The following CHCHD6 variants were observed in gnomAD, a reference collection of about 807,000 sequenced individuals.
The protein encoded by CHCHD6 is coiled-coil-helix-coiled-coil-helix domain containing 6, also known as MICOS complex subunit MIC25.
CHCHD6 carries 28 observed loss-of-function variants against 32.3 expected under a neutral mutation model. That is an observed-to-expected ratio of 0.87 (90% CI 0.64 to 1.19). The LOEUF (loss-of-function observed/expected upper bound fraction) is 1.19, where lower values mean the gene tolerates loss of function less well. Among genes scored for constraint, CHCHD6 ranks in the 50% most tolerant of loss-of-function variants. The pLI is 0.00. For missense variants in CHCHD6, 333 were observed against 307.0 expected (o/e 1.08, Z -0.63); for synonymous variants, 122 against 117.5 (o/e 1.04, Z -0.25).
At chr3:126,893,063 G>A (rs1343951937) in intron 5 of CHCHD6, among the ~76,000 whole-genome samples, 2 of 152,082 alleles carry the variant, frequency 1.3e-5, no homozygotes, top group African/African-American at 4.8e-5. Flanking sequence ...CCACCACCTG[G>A]GTTCAAGTGA....
chr3:126,801,425 G>A (rs74981499), intron 4 of CHCHD6, among the ~76,000 whole-genome samples: 1 of 151,764 alleles, frequency 6.6e-6, no homozygotes, highest in Non-Finnish European at 1.5e-5. Flanking sequence ...CACCTGGCTC[G>A]GAGGATCCTA....
chr3:126,862,318 T>A (rs1391252958), intron 5 of CHCHD6, among the ~76,000 whole-genome samples: 2 of 121,074 alleles, frequency 1.7e-5, no homozygotes, highest in African/African-American at 3.2e-5. Flanking sequence ...CATCATCACC[T>A]CCTCCTCCTC....
At chr3:126,801,571 G>A (rs1197085414) in intron 4 of CHCHD6, among the ~76,000 whole-genome samples, 2 of 152,208 alleles carry the variant, frequency 1.3e-5, no homozygotes, top group East Asian at 3.9e-4. Flanking sequence ...CCTCCAGCTG[G>A]GTGGAGCCCA....
At chr3:126,869,290 T>C (rs2077433086) in intron 5 of CHCHD6, among the ~76,000 whole-genome samples, 1 of 138,754 alleles carries the variant, frequency 7.2e-6, no homozygotes, top group Non-Finnish European at 1.6e-5. Context: ...CCAGTCTCCT[T>C]TTTTTTTTTT....
intron 5 of CHCHD6, among the ~76,000 whole-genome samples, chr3:126,893,985 CTGCAAACACA>C (rs2077802086): frequency 6.6e-6 from 1 of 152,244 alleles, no homozygotes; most frequent in Non-Finnish European, 1.5e-5. Flanking sequence ...GCTGAGAGGG[CTGCAAACACA>C]CCTCCAGGGC....
intron 4 of CHCHD6, among the ~76,000 whole-genome samples, chr3:126,814,629 C>A (rs1939797419): frequency 6.6e-6 from 1 of 152,202 alleles, no homozygotes; most frequent in South Asian, 2.1e-4. Context: ...TTAGAAGTTC[C>A]TGGAGAGTGG....
intron 4 of CHCHD6, among the ~76,000 whole-genome samples, chr3:126,737,933 T>C (rs1156388102): frequency 3.3e-5 from 5 of 151,994 alleles, no homozygotes; most frequent in African/African-American, 1.2e-4. Context: ...TCAAAAGAGA[T>C]AAATAGGAGA....
At chr3:126,954,362 G>A (rs1282565072) in intron 6 of CHCHD6, among the ~76,000 whole-genome samples, 2 of 152,164 alleles carry the variant, frequency 1.3e-5, no homozygotes, top group Non-Finnish European at 1.5e-5. Flanking sequence ...ATGGGGAGAG[G>A]GGCAAATGTG....
intron 4 of CHCHD6, among the ~76,000 whole-genome samples, chr3:126,842,903 T>C (rs534162801): frequency 1.3e-5 from 2 of 151,822 alleles, no homozygotes; most frequent in African/African-American, 4.8e-5. Flanking sequence ...AGATATTTAA[T>C]TTTGGGAGTA....
chr3:126,789,676 G>T (rs1453546323), intron 4 of CHCHD6, among the ~76,000 whole-genome samples: 1 of 152,040 alleles, frequency 6.6e-6, no homozygotes, highest in South Asian at 2.1e-4. Flanking sequence ...CCATTTGCTT[G>T]GTAGATCTTC....
chr3:126,837,267 C>CT, intron 4 of CHCHD6, among the ~76,000 whole-genome samples: 1 of 152,248 alleles, frequency 6.6e-6, no homozygotes. Flanking sequence ...TTTTTCTTGC[C>CT]TTTAAAGTGG....
intron 4 of CHCHD6, among the ~76,000 whole-genome samples, chr3:126,771,828 A>AAT (rs1937548310): frequency 1.3e-5 from 2 of 152,226 alleles, no homozygotes; most frequent in Admixed American, 1.3e-4. Flanking sequence ...AGATTCTGGT[A>AAT]TGTTGTATCT....
chr3:126,848,575 G>A, intron 4 of CHCHD6, among the ~76,000 whole-genome samples: 1 of 152,182 alleles, frequency 6.6e-6, no homozygotes, highest in East Asian at 1.9e-4. Context: ...CTATGGTTGT[G>A]TTTTAGAAAT....
chr3:126,788,802 T>C (rs1439840335), intron 4 of CHCHD6, among the ~76,000 whole-genome samples: 1 of 152,158 alleles, frequency 6.6e-6, no homozygotes, highest in Non-Finnish European at 1.5e-5. Context: ...TTTGAAGAGT[T>C]TTTTGTGTCT....
At chr3:126,707,019 C>T (rs1179722829) in intron 1 of CHCHD6, among the ~76,000 whole-genome samples, 1 of 152,104 alleles carries the variant, frequency 6.6e-6, no homozygotes, top group Non-Finnish European at 1.5e-5. Context: ...GTAATTTCAG[C>T]ACTTTGGGAG....
rs1559943302 is a variant in CHCHD6, at chr3:126,957,426, G to A, written c.577G>A (p.Val193Met). The A allele has an allele frequency of 2.5e-6, 4 of 1,611,270 alleles. No homozygotes were observed. Among genetic ancestry groups the A allele is most frequent in the Non-Finnish European group, 3.4e-6 (4 of 1,179,254 alleles). Residue 193 changes from valine to methionine, a missense_variant, in exon 7 of 8, where the codon GTG (valine) becomes ATG (methionine). By Grantham distance (21) the Val-to-Met change is conservative (BLOSUM62 1). Coordinates refer to ENST00000290913, the MANE Select transcript of CHCHD6 (RefSeq NM_032343.3). Reference sequence around the variant, plus strand: ...TCTTGTCTTCTGCAGGCCCCGCAGGGTGGAGCCCGTCTGCTCAGGGTTGCA... The same window carrying A: ...TCTTGTCTTCTGCAGGCCCCGCAGGATGGAGCCCGTCTGCTCAGGGTTGCA... ...KMESTIKPRR[V>M]EPVCSGLQAQ...
intron 5 of CHCHD6, among the ~76,000 whole-genome samples, chr3:126,877,872 C>T (rs1200638409): frequency 6.6e-6 from 1 of 152,172 alleles, no homozygotes; most frequent in African/African-American, 2.4e-5. Flanking sequence ...TGGGAATCTA[C>T]AATTATCTCA....
chr3:126,807,735 G>C (rs537772887), intron 4 of CHCHD6, among the ~76,000 whole-genome samples: 1 of 152,158 alleles, frequency 6.6e-6, no homozygotes, highest in African/African-American at 2.4e-5. Context: ...GAATATAAAG[G>C]ACAAGAACTG....
intron 5 of CHCHD6, among the ~76,000 whole-genome samples, chr3:126,869,731 G>A (rs796674411): frequency 6.6e-5 from 10 of 152,170 alleles, no homozygotes; most frequent in African/African-American, 2.4e-4. Context: ...TAATGTTATA[G>A]ATACTACTTT....
Sources: allele counts gnomAD v4.1 joint callset (sites outside exome capture counted in the v4.1 genomes callset), GRCh38; gene constraint gnomAD v4.1.1; transcripts MANE v1.5; gene names NCBI Gene and HGNC (gene_info 2026-07-23, HGNC 2026-07-21).